Variants in GALK2 observed in about 807,000 individuals in gnomAD.
GALK2 encodes N-acetylgalactosamine kinase.
Under a neutral mutation model 52.4 loss-of-function variants are expected in GALK2, and 36 were observed. That is an observed-to-expected ratio of 0.69 (90% confidence interval 0.53 to 0.91). The LOEUF (loss-of-function observed/expected upper bound fraction) is 0.91, where lower values mean the gene tolerates loss of function less well. Among genes scored for constraint, GALK2 ranks in the 40% least tolerant of loss-of-function variants. GALK2 has a pLI of 0.00. For synonymous variants in GALK2, 176 were observed against 199.1 expected, an observed-to-expected ratio of 0.88 and a Z score of 0.98; for missense variants, 579 against 559.1, an observed-to-expected ratio of 1.04 and a Z score of -0.36.
chr15:49,181,760 A>C (rs948105166), intron 1 of GALK2, among the ~76,000 whole-genome samples: 1 of 152,082 alleles, frequency 6.6e-6, no homozygotes, highest in Non-Finnish European at 1.5e-5. Flanking sequence ...TGAAAAAAGT[A>C]CTGTATATTC....
chr15:49,155,855 A>G, exon 1 of GALK2: 1 of 944,884 alleles, frequency 1.1e-6, no homozygotes, highest in East Asian at 2.4e-5. Flanking sequence ...GGGCGTCGGA[A>G]ACTGCGCTCG....
intron 1 of GALK2, among the ~76,000 whole-genome samples, chr15:49,173,891 T>C (rs1017264672): frequency 2.0e-5 from 3 of 152,098 alleles, no homozygotes; most frequent in African/African-American, 7.2e-5. Flanking sequence ...CACAGGAATG[T>C]GCCACCATGT....
At chr15:49,170,132 A>C, upstream of GALK2, 1 of 1,320,590 alleles carries the variant, frequency 7.6e-7, no homozygotes, top group Non-Finnish European at 1.0e-6. Flanking sequence ...ACCCTGGCTG[A>C]GTCCAGGGAG....
intron 3 of GALK2, chr15:49,365,345 C>G (rs2044954340): frequency 6.5e-7 from 1 of 1,547,356 alleles, no homozygotes. Flanking sequence ...AAGTATCATG[C>G]CAATAGCATA....
chr15:49,189,575 C>G (rs1188979084), intron 1 of GALK2, among the ~76,000 whole-genome samples: 2 of 152,036 alleles, frequency 1.3e-5, no homozygotes, highest in Non-Finnish European at 2.9e-5. Context: ...TAAAATAGAA[C>G]AATTTTAACA....
chr15:49,250,344 T>C (rs1170454215), intron 5 of GALK2, among the ~76,000 whole-genome samples: 2 of 152,174 alleles, frequency 1.3e-5, no homozygotes, highest in Admixed American at 1.3e-4. Context: ...AGGTTATTAC[T>C]GCAAAATATG....
At chr15:49,360,956 A>G (rs1156872244) in intron 3 of GALK2, among the ~76,000 whole-genome samples, 1 of 152,150 alleles carries the variant, frequency 6.6e-6, no homozygotes, top group Non-Finnish European at 1.5e-5. Context: ...CACATAGACA[A>G]TAATGTCATC....
intron 3 of GALK2, among the ~76,000 whole-genome samples, chr15:49,222,581 A>G (rs1401735597): frequency 1.3e-5 from 2 of 152,128 alleles, no homozygotes; most frequent in African/African-American, 2.4e-5. Flanking sequence ...ATGCCTGATA[A>G]TTGAGAGTTT....
At chr15:49,255,466 A>G (rs2091776426) in intron 5 of GALK2, among the ~76,000 whole-genome samples, 1 of 142,620 alleles carries the variant, frequency 7.0e-6, no homozygotes, top group Non-Finnish European at 1.6e-5. Context: ...TGAAGCGTCC[A>G]GGCCAAATTT....
Position 49,366,588 on chromosome 15 carries a change from A to G in GALK2, c.427-903A>G. On this transcript the variant is annotated intron_variant, in intron 3 of 3. Transcript: ENST00000558399. ...TAGTCCTTGGATGTGCCATTTCCAGACGCATGCAAGATTGCTTCCTGAGCG... is the reference window on the plus strand; with the variant it reads ...TAGTCCTTGGATGTGCCATTTCCAGGCGCATGCAAGATTGCTTCCTGAGCG... 1.9e-6 allele frequency: 3 copies of G among 1,599,980 alleles called. No homozygotes were observed. The Admixed American group carries it at 5.0e-5, about 27-fold the overall frequency.
chr15:49,295,994 G>GCT (rs2034444556), intron 8 of GALK2, among the ~76,000 whole-genome samples: 2 of 151,922 alleles, frequency 1.3e-5, no homozygotes, highest in South Asian at 4.2e-4. Context: ...AACATGTATT[G>GCT]CTCTCTCTCT....
chr15:49,259,584 T>A (rs76465825), intron 5 of GALK2, among the ~76,000 whole-genome samples: 13 of 148,356 alleles, frequency 8.8e-5, no homozygotes, highest in South Asian at 4.3e-4. Flanking sequence ...TTTTTTTTTT[T>A]AATTATTATT....
chr15:49,277,034 C>G (rs1276232437), intron 5 of GALK2, among the ~76,000 whole-genome samples: 6 of 134,686 alleles, frequency 4.5e-5, no homozygotes, highest in Non-Finnish European at 9.2e-5. Flanking sequence ...AGTGCAGTGG[C>G]GCAATCTCGG....
At chr15:49,220,399 G>T (rs921599886) in intron 3 of GALK2, among the ~76,000 whole-genome samples, 1 of 151,956 alleles carries the variant, frequency 6.6e-6, no homozygotes, top group African/African-American at 2.4e-5. Context: ...CATCCACATT[G>T]CTGCAAATGA....
At chr15:49,264,993 G>T (rs1456569324) in intron 5 of GALK2, among the ~76,000 whole-genome samples, 1 of 152,202 alleles carries the variant, frequency 6.6e-6, no homozygotes, top group African/African-American at 2.4e-5. Context: ...ACTGGGGGGT[G>T]CCTCCCAGTT....
chr15:49,259,477 A>G (rs1230155712), intron 5 of GALK2, among the ~76,000 whole-genome samples: 1 of 150,632 alleles, frequency 6.6e-6, no homozygotes, highest in East Asian at 2.0e-4. Context: ...ACTGAGAATG[A>G]TGATTTCCAA....
chr15:49,289,383 A>G (rs1335732607), intron 7 of GALK2, among the ~76,000 whole-genome samples: 1 of 152,244 alleles, frequency 6.6e-6, no homozygotes, highest in Non-Finnish European at 1.5e-5. Flanking sequence ...AGGATGGACT[A>G]GAAGTTGACT....
At chr15:49,296,628 TTC>T (rs2034501407) in intron 8 of GALK2, among the ~76,000 whole-genome samples, 1 of 152,052 alleles carries the variant, frequency 6.6e-6, no homozygotes, top group Admixed American at 6.5e-5. Flanking sequence ...AAGACAGAGT[TTC>T]ACTCTGTAGC....
chr15:49,196,897 C>T (rs2087281677), intron 1 of GALK2, among the ~76,000 whole-genome samples: 1 of 152,144 alleles, frequency 6.6e-6, no homozygotes, highest in Admixed American at 6.6e-5. Flanking sequence ...TGAGACCAGC[C>T]TGGGCAACAT....
Sources: allele counts gnomAD v4.1 joint callset (sites outside exome capture counted in the v4.1 genomes callset), GRCh38; gene constraint gnomAD v4.1.1; transcripts MANE v1.5; gene names NCBI Gene and HGNC (gene_info 2026-07-23, HGNC 2026-07-21).